TAFA1: variants seen among roughly 807,000 people sequenced by gnomAD.
The protein encoded by TAFA1 is TAFA chemokine like family member 1.
A neutral mutation model predicts 18.5 loss-of-function variants in TAFA1; 4 were observed. That is an observed-to-expected ratio of 0.22 (90% CI 0.11 to 0.49). TAFA1 has a LOEUF of 0.49. Ranked by LOEUF, TAFA1 falls within the 20% of genes least tolerant of loss-of-function variation. The pLI is 0.98. For missense variants in TAFA1, 147 were observed against 169.0 expected (o/e 0.87, Z 0.72); for synonymous variants, 56 against 55.2 (o/e 1.01, Z -0.06).
rs6781178 is a variant in TAFA1 at position 68,365,779 on chromosome 3, G to A, written c.119-51501G>A. 6.1e-3 allele frequency among the ~76,000 whole-genome samples: 923 copies of A among 152,140 alleles called. 8 individuals are homozygous for A. Among genetic ancestry groups the A allele is most frequent in the African/African-American group, 0.021 (872 of 41,520 alleles). On this transcript the variant is annotated intron_variant, in intron 2 of 4. Transcript: ENST00000478136. ...GAGAGAATGAGTGCCAGGTGAAAGG[G>A]GTTTCCCCTTATAAAACCATCAGAT...
At chr3:68,149,132 TA>T (rs2065777171) in intron 2 of TAFA1, among the ~76,000 whole-genome samples, 1 of 152,190 alleles carries the variant, frequency 6.6e-6, no homozygotes, top group Non-Finnish European at 1.5e-5. Context: ...CAACGTTTTT[TA>T]CCCCCAACTT....
chr3:68,258,271 T>C (rs555633133), intron 2 of TAFA1, among the ~76,000 whole-genome samples: 61 of 152,306 alleles, frequency 4.0e-4, no homozygotes, highest in Non-Finnish European at 7.6e-4. Context: ...AAATCTAAAA[T>C]ATTTCAAAAC....
intron 2 of TAFA1, among the ~76,000 whole-genome samples, chr3:68,266,923 G>A (rs1221245115): frequency 2.9e-5 from 4 of 140,024 alleles, no homozygotes; most frequent in Non-Finnish European, 6.0e-5. Context: ...CCACTCTTGG[G>A]CTCAGTCAAG....
chr3:68,230,134 T>C (rs2066854376), intron 2 of TAFA1, among the ~76,000 whole-genome samples: 1 of 152,204 alleles, frequency 6.6e-6, no homozygotes, highest in East Asian at 1.9e-4. Context: ...CCAATTCTAG[T>C]CTTCTAGTTA....
intron 2 of TAFA1, among the ~76,000 whole-genome samples, chr3:68,208,606 C>T (rs997921172): frequency 1.3e-5 from 2 of 151,964 alleles, no homozygotes; most frequent in Non-Finnish European, 2.9e-5. Context: ...AGCAAGGCCT[C>T]ATTCTCATTT....
chr3:68,210,163 T>A (rs2066578255), intron 2 of TAFA1, among the ~76,000 whole-genome samples: 1 of 152,032 alleles, frequency 6.6e-6, no homozygotes, highest in Non-Finnish European at 1.5e-5. Flanking sequence ...TTGTTTTACC[T>A]TAGAAGCGTG....
At chr3:68,184,746 T>C (rs1353038301) in intron 2 of TAFA1, among the ~76,000 whole-genome samples, 1 of 152,108 alleles carries the variant, frequency 6.6e-6, no homozygotes, top group African/African-American at 2.4e-5. Flanking sequence ...AAGAAAGATA[T>C]CAGGCCCAAA....
intron 3 of TAFA1, among the ~76,000 whole-genome samples, chr3:68,506,355 G>A (rs2072753868): frequency 6.6e-6 from 1 of 152,020 alleles, no homozygotes; most frequent in Non-Finnish European, 1.5e-5. Flanking sequence ...CATCACCAGT[G>A]CCACATTCTA....
chr3:68,406,396 C>T (rs2070609957), intron 2 of TAFA1, among the ~76,000 whole-genome samples: 1 of 152,126 alleles, frequency 6.6e-6, no homozygotes. Flanking sequence ...AAGAATATTG[C>T]ACCCTAGAAT....
intron 2 of TAFA1, among the ~76,000 whole-genome samples, chr3:68,135,840 T>A (rs2065600808): frequency 6.6e-6 from 1 of 152,188 alleles, no homozygotes. Flanking sequence ...GTAGATATGA[T>A]GCCAGATGTA....
intron 2 of TAFA1, among the ~76,000 whole-genome samples, chr3:68,200,299 C>A (rs1320008180): frequency 6.6e-6 from 1 of 151,422 alleles, no homozygotes; most frequent in Non-Finnish European, 1.5e-5. Context: ...GATTTGTTTT[C>A]TTGTAATGTC....
chr3:68,500,893 T>C (rs1511897), intron 3 of TAFA1, among the ~76,000 whole-genome samples: 36,737 of 151,718 alleles, frequency 0.24, 4,830 homozygotes, highest in East Asian at 0.45. Context: ...GGGCCAGGCA[T>C]GGTGGCTCAC....
At chr3:68,427,830 G>A (rs1175988414) in intron 3 of TAFA1, among the ~76,000 whole-genome samples, 1 of 151,884 alleles carries the variant, frequency 6.6e-6, no homozygotes, top group Non-Finnish European at 1.5e-5. Flanking sequence ...CTGTTCTTGT[G>A]ATAGTGAATA....
chr3:68,517,537 A>T (rs562028809), intron 3 of TAFA1, among the ~76,000 whole-genome samples: 2 of 152,290 alleles, frequency 1.3e-5, no homozygotes, highest in East Asian at 3.9e-4. Flanking sequence ...GTCTGTAATA[A>T]GATGAGCGAT....
At chr3:68,084,904 A>G (rs1296070726) in intron 2 of TAFA1, among the ~76,000 whole-genome samples, 1 of 151,804 alleles carries the variant, frequency 6.6e-6, no homozygotes, top group African/African-American at 2.4e-5. Context: ...AGTTCTTTGT[A>G]CTTTTGTTGC....
At chr3:68,162,025 G>A (rs1233302799) in intron 2 of TAFA1, among the ~76,000 whole-genome samples, 1 of 152,184 alleles carries the variant, frequency 6.6e-6, no homozygotes. Context: ...AGAGGTTGTA[G>A]AGCCTACAGG....
chr3:68,252,148 C>T (rs2067208369), intron 2 of TAFA1, among the ~76,000 whole-genome samples: 1 of 152,088 alleles, frequency 6.6e-6, no homozygotes, highest in Non-Finnish European at 1.5e-5. Flanking sequence ...TAAATGTCAG[C>T]AAATCTCCCT....
At chr3:68,410,237 C>G (rs1159980256) in intron 2 of TAFA1, among the ~76,000 whole-genome samples, 1 of 152,088 alleles carries the variant, frequency 6.6e-6, no homozygotes, top group Non-Finnish European at 1.5e-5. Flanking sequence ...AGTTGGGAAA[C>G]TAGAGAGATG....
intron 2 of TAFA1, among the ~76,000 whole-genome samples, chr3:68,199,608 G>A (rs2107035617): frequency 6.6e-6 from 1 of 151,584 alleles, no homozygotes; most frequent in South Asian, 2.1e-4. Context: ...TTTGGGGGAT[G>A]CTAATGTAAA....
Sources: allele counts gnomAD v4.1 joint callset (sites outside exome capture counted in the v4.1 genomes callset), GRCh38; gene constraint gnomAD v4.1.1; transcripts MANE v1.5; gene names NCBI Gene and HGNC (gene_info 2026-07-23, HGNC 2026-07-21).